The following LHFPL6 variants were observed in gnomAD, a reference collection of about 807,000 sequenced individuals.
LHFPL6 encodes LHFPL tetraspan subfamily member 6 protein.
Under a neutral mutation model 20.6 loss-of-function variants are expected in LHFPL6, and 9 were observed. The observed-to-expected ratio is 0.44, with a 90% CI of 0.26 to 0.76. LHFPL6 has a LOEUF of 0.76. Among genes scored for constraint, LHFPL6 ranks in the 30% least tolerant of loss-of-function variants. The pLI, the probability that LHFPL6 is intolerant of heterozygous loss-of-function variation, is 0.20. For synonymous variants in LHFPL6, 105 were observed against 98.7 expected (o/e 1.06, Z -0.38); for missense variants, 218 against 253.5 (o/e 0.86, Z 0.95).
chr13:39,364,158 A>G (rs1014057478), intron 3 of LHFPL6, among the ~76,000 whole-genome samples: 5 of 152,166 alleles, frequency 3.3e-5, no homozygotes, highest in African/African-American at 1.2e-4. Flanking sequence ...TTAGAAAACA[A>G]AAGGGGCAGG....
intron 2 of LHFPL6, among the ~76,000 whole-genome samples, chr13:39,457,644 A>G (rs1360129288): frequency 3.3e-5 from 5 of 152,236 alleles, no homozygotes; most frequent in Non-Finnish European, 7.3e-5. Context: ...AGGCAAAACC[A>G]CAATGACAAA....
Position 39,580,180 on chromosome 13 carries a change from T to C in LHFPL6, c.385+20652A>G, listed in dbSNP as rs190371965. Reference sequence around the variant, plus strand: ...CAGACTATAAACACATGAAAGCATATGGGAAGAGAGATGGGGAATTAAAGA... The same window carrying C: ...CAGACTATAAACACATGAAAGCATACGGGAAGAGAGATGGGGAATTAAAGA... On this transcript the variant is annotated intron_variant, in intron 2 of 3. Transcript: ENST00000379589. Among the ~76,000 whole-genome samples the C allele has an allele frequency of 1.8e-3, 268 of 151,832 alleles. 2 individuals are homozygous for C. The highest frequency in any genetic ancestry group is 6.2e-3 in the African/African-American group (258 of 41,410).
chr13:39,346,002 C>T (rs561580442), intron 3 of LHFPL6, among the ~76,000 whole-genome samples: 3 of 152,316 alleles, frequency 2.0e-5, no homozygotes, highest in Admixed American at 6.5e-5. Flanking sequence ...TTGCATAGAC[C>T]TGCTCACCGC....
intron 3 of LHFPL6, among the ~76,000 whole-genome samples, chr13:39,344,285 G>A (rs1869332055): frequency 6.6e-6 from 1 of 152,000 alleles, no homozygotes; most frequent in Non-Finnish European, 1.5e-5. Flanking sequence ...GCTAAGAGAA[G>A]TCTAGTCTCC....
chr13:39,371,876 C>G (rs1312573023), intron 3 of LHFPL6, among the ~76,000 whole-genome samples: 2 of 152,228 alleles, frequency 1.3e-5, no homozygotes, highest in African/African-American at 4.8e-5. Context: ...GAGAGAGACT[C>G]TGATTCCATT....
At chr13:39,364,096 C>T (rs79896667) in intron 3 of LHFPL6, among the ~76,000 whole-genome samples, 10 of 152,228 alleles carry the variant, frequency 6.6e-5, no homozygotes, top group African/African-American at 1.2e-4. Context: ...TTATGTAGTG[C>T]GTGACTGTAC....
At chr13:39,408,119 T>C (rs918117902) in intron 2 of LHFPL6, among the ~76,000 whole-genome samples, 1 of 152,210 alleles carries the variant, frequency 6.6e-6, no homozygotes, top group African/African-American at 2.4e-5. Context: ...ATAAAATAAG[T>C]AAATACAACA....
intron 3 of LHFPL6, among the ~76,000 whole-genome samples, chr13:39,364,926 C>T (rs983812196): frequency 6.6e-6 from 1 of 152,170 alleles, no homozygotes; most frequent in African/African-American, 2.4e-5. Flanking sequence ...AGATGATGTA[C>T]TGTTAAGATG....
intron 2 of LHFPL6, among the ~76,000 whole-genome samples, chr13:39,398,993 C>G (rs1022007741): frequency 2.0e-5 from 3 of 152,194 alleles, no homozygotes; most frequent in African/African-American, 7.2e-5. Context: ...TGCTCTAGAA[C>G]AGCAGAGTAC....
chr13:39,524,572 C>G (rs1870227916), intron 2 of LHFPL6, among the ~76,000 whole-genome samples: 1 of 152,142 alleles, frequency 6.6e-6, no homozygotes, highest in Non-Finnish European at 1.5e-5. Context: ...TTTTGATCTG[C>G]AGGAGGTATA....
chr13:39,539,828 C>T (rs1438468532), intron 2 of LHFPL6, among the ~76,000 whole-genome samples: 2 of 152,134 alleles, frequency 1.3e-5, no homozygotes, highest in African/African-American at 2.4e-5. Flanking sequence ...AATTAAGTTG[C>T]CCCTTTGGTT....
intron 2 of LHFPL6, among the ~76,000 whole-genome samples, chr13:39,587,802 T>A (rs976390566): frequency 2.0e-5 from 3 of 151,956 alleles, no homozygotes; most frequent in African/African-American, 7.3e-5. Flanking sequence ...AAGATGGCAT[T>A]ACTAGTGATG....
intron 2 of LHFPL6, among the ~76,000 whole-genome samples, chr13:39,514,628 C>A (rs1660920975): frequency 6.6e-6 from 1 of 152,170 alleles, no homozygotes; most frequent in Non-Finnish European, 1.5e-5. Context: ...TATTACCCAG[C>A]CAAAGTTAAC....
At chr13:39,467,412 T>C (rs185542159) in intron 2 of LHFPL6, among the ~76,000 whole-genome samples, 198 of 152,288 alleles carry the variant, frequency 1.3e-3, no homozygotes, top group South Asian at 1.9e-3. Context: ...TAAGGAATCC[T>C]CTTGCCTGTG....
chr13:39,596,312 T>C (rs1872768955), intron 2 of LHFPL6, among the ~76,000 whole-genome samples: 10 of 152,126 alleles, frequency 6.6e-5, no homozygotes, highest in Admixed American at 6.5e-4. Context: ...CAACTACACT[T>C]TAACTCAGTT....
At position 39,445,145 on chromosome 13, in the gene LHFPL6, C is replaced by G. The variant is rs568032976; in HGVS notation, c.386-66619G>C. 2.0e-5 allele frequency among the ~76,000 whole-genome samples: 3 copies of G among 152,336 alleles called. No homozygotes were observed. The South Asian group carries it at 6.2e-4, about 32-fold the overall frequency. On this transcript the variant is annotated intron_variant, in intron 2 of 3. Coordinates refer to ENST00000379589, the MANE Select transcript of LHFPL6 (RefSeq NM_005780.3). ...GCAATAAGGTCCTCACCAGATACGT[C>G]CCCTTGATCTTGAACTTCCCAACCT...
At chr13:39,416,478 T>C (rs545654233) in intron 2 of LHFPL6, among the ~76,000 whole-genome samples, 4 of 152,358 alleles carry the variant, frequency 2.6e-5, no homozygotes, top group South Asian at 2.1e-4. Context: ...CTTTTGATCA[T>C]ACAGTTTAAA....
chr13:39,485,420 T>C (rs1394230647), intron 2 of LHFPL6, among the ~76,000 whole-genome samples: 2 of 152,160 alleles, frequency 1.3e-5, no homozygotes, highest in African/African-American at 2.4e-5. Flanking sequence ...TCCTATCTGA[T>C]AGCCATCTTT....
chr13:39,514,714 A>G (rs918801013), intron 2 of LHFPL6, among the ~76,000 whole-genome samples: 5 of 152,370 alleles, frequency 3.3e-5, no homozygotes, highest in Middle Eastern at 3.4e-3. Flanking sequence ...GAACAGGGAA[A>G]GGGAAGCAAA....
Sources: gnomAD v4.1 joint callset for allele counts (sites outside exome capture counted in the v4.1 genomes callset) on GRCh38, gnomAD v4.1.1 for gene constraint, MANE v1.5 for transcripts, NCBI Gene and HGNC (gene_info 2026-07-23, HGNC 2026-07-21) for gene names.